ZNF800: variants seen among roughly 807,000 people sequenced by gnomAD.
The protein encoded by ZNF800 is zinc finger protein 800.
ZNF800 carries 13 observed loss-of-function variants against 59.5 expected under a neutral mutation model. That is an observed-to-expected ratio of 0.22 (90% CI 0.14 to 0.35). The LOEUF (loss-of-function observed/expected upper bound fraction) is 0.35, where lower values mean the gene tolerates loss of function less well. Ranked by LOEUF, ZNF800 falls within the 10% of genes least tolerant of loss-of-function variation. The pLI, the probability that ZNF800 is intolerant of heterozygous loss-of-function variation, is 1.00. For synonymous variants in ZNF800, 266 were observed against 265.7 expected, an observed-to-expected ratio of 1.00 and a Z score of -0.01; for missense variants, 621 against 783.7, an observed-to-expected ratio of 0.79 and a Z score of 2.48.
chr7:127,348,462 A>C (rs563325309), intron 1 of ZNF800, among the ~76,000 whole-genome samples: 2 of 151,392 alleles, frequency 1.3e-5, no homozygotes, highest in African/African-American at 4.9e-5. Context: ...AATGTCCTAC[A>C]CCCAACAATA....
intron 3 of ZNF800, among the ~76,000 whole-genome samples, chr7:127,381,253 T>G (rs1800966778): frequency 1.3e-5 from 2 of 152,190 alleles, no homozygotes; most frequent in South Asian, 4.1e-4. Context: ...AACTCAATCT[T>G]CTTTAGGATG....
intron 1 of ZNF800, chr7:127,361,314 A>G (rs550819793): frequency 6.6e-6 from 1 of 152,332 alleles, no homozygotes; most frequent in Middle Eastern, 3.4e-3. Flanking sequence ...GTGGTGGTGC[A>G]TGCCTGTAAT....
chr7:127,392,120 G>C lies in ZNF800; in HGVS notation c.-119C>G, dbSNP rs1801348107. The C allele has an allele frequency of 2.5e-6, 1 of 393,744 alleles. No individual in the cohort carries two copies. The highest frequency in any genetic ancestry group is 2.1e-5 in the African/African-American group (1 of 48,282). 24.4% of individuals were successfully genotyped at this position (393,744 alleles called of 1,614,324 possible). On this transcript the variant is annotated 5_prime_UTR_variant, in exon 1 of 6. Coordinates refer to ENST00000265827, the MANE Select transcript of ZNF800 (RefSeq NM_176814.5). Reference sequence around the variant, plus strand: ...GAAGGAAGGCAGGCCGGGCGGCCGCGGGGACAGCCTGGCGTGGGAGGCGGC... The same window carrying C: ...GAAGGAAGGCAGGCCGGGCGGCCGCCGGGACAGCCTGGCGTGGGAGGCGGC...
At chr7:127,372,956 T>A in intron 5 of ZNF800, 1 of 985,028 alleles carries the variant, frequency 1.0e-6, no homozygotes, top group Non-Finnish European at 1.2e-6. Context: ...CTACAATTCA[T>A]TAATTAGTAG....
chr7:127,375,579 T>C (rs1800769162), intron 4 of ZNF800, among the ~76,000 whole-genome samples: 1 of 152,114 alleles, frequency 6.6e-6, no homozygotes, highest in Non-Finnish European at 1.5e-5. Context: ...AATGGGATGA[T>C]GTGTAGAAGT....
chr7:127,362,357 T>G (rs558692779), intron 1 of ZNF800: 1 of 152,070 alleles, frequency 6.6e-6, no homozygotes, highest in Non-Finnish European at 1.5e-5. Flanking sequence ...CAGTGTGGGG[T>G]AGTAAGTTGT....
At position 127,392,455 on chromosome 7, in the gene ZNF800, C is replaced by G. The variant is rs551788056; in HGVS notation, c.-454G>C. ...CTTCCCTCGCCGGGGCAACGGCTGC[C>G]GCCGCAACCCGGGTCCCACCAGCGC... On this transcript the variant is annotated 5_prime_UTR_variant, in exon 1 of 6. Transcript: ENST00000265827. The G allele has an allele frequency of 5.4e-6, 2 of 369,804 alleles. No individual in the cohort carries two copies. Among genetic ancestry groups the G allele is most frequent in the South Asian group, 2.9e-4 (2 of 6,802 alleles). The allele number at this position is 369,804 out of a possible 1,614,324, so 22.9% of individuals were successfully genotyped here.
intron 3 of ZNF800, among the ~76,000 whole-genome samples, chr7:127,385,040 A>C (rs575448079): frequency 6.6e-6 from 1 of 152,334 alleles, no homozygotes; most frequent in South Asian, 2.1e-4. Flanking sequence ...AGAAAAAATA[A>C]ATGTTTTAAT....
chr7:127,364,742 G>GA, intron 1 of ZNF800: 1 of 152,068 alleles, frequency 6.6e-6, no homozygotes, highest in East Asian at 1.9e-4. Context: ...ACTTGGAACA[G>GA]AAAAACAGCT....
At chr7:127,391,900 G>T (rs1027373817) in intron 1 of ZNF800, among the ~76,000 whole-genome samples, 160 bp downstream of exon 1, 6 of 151,632 alleles carry the variant, frequency 4.0e-5, no homozygotes, top group Admixed American at 2.6e-4. Flanking sequence ...CGGGCGCGCG[G>T]AAACGGAGCG....
intron 3 of ZNF800, among the ~76,000 whole-genome samples, chr7:127,385,791 C>T (rs776569289): frequency 3.3e-5 from 5 of 151,926 alleles, no homozygotes; most frequent in African/African-American, 9.7e-5. Flanking sequence ...AAGTGCTTTA[C>T]CAGAAAATAC....
intron 1 of ZNF800, 22 bp from the exon 2 acceptor site, chr7:127,391,637 C>T (rs1801320744): frequency 3.0e-6 from 4 of 1,331,974 alleles, no homozygotes; most frequent in East Asian, 2.3e-5. Flanking sequence ...AGCACAAACC[C>T]GTCACTCGCC....
At chr7:127,344,536 C>G (rs368889756), downstream of ZNF800, among the ~76,000 whole-genome samples, 1 of 151,404 alleles carries the variant, frequency 6.6e-6, no homozygotes, top group Non-Finnish European at 1.5e-5. Flanking sequence ...AGCTTATCTG[C>G]GAGAATACAT....
chr7:127,376,094 A>C (rs1800782245), intron 4 of ZNF800, among the ~76,000 whole-genome samples: 1 of 151,956 alleles, frequency 6.6e-6, no homozygotes, highest in Non-Finnish European at 1.5e-5. Flanking sequence ...TTTGAAATGA[A>C]TCTCTAGACT....
chr7:127,375,740 C>G (rs11563461), intron 4 of ZNF800, among the ~76,000 whole-genome samples: 2,290 of 151,996 alleles, frequency 0.015, 63 homozygotes, highest in African/African-American at 0.053. Flanking sequence ...AATCAACTAT[C>G]CTATTGTAAC....
intron 1 of ZNF800, among the ~76,000 whole-genome samples, chr7:127,355,725 T>C (rs1160684819): frequency 2.0e-5 from 3 of 152,066 alleles, no homozygotes; most frequent in African/African-American, 7.2e-5. Flanking sequence ...GCTAAAAATA[T>C]TAAAAATTAT....
Position 127,391,611 on chromosome 7 carries a change from C to T in ZNF800, c.-54G>A. The T allele has an allele frequency of 6.4e-7, 1 of 1,557,488 alleles. No individual in the cohort carries two copies. Among genetic ancestry groups the T allele is most frequent in the Non-Finnish European group, 8.9e-7 (1 of 1,128,970 alleles). ...CACTGTAAGAAGCTCTTCATTGCGG[C>T]GTGGCTGTTGAAAGAAGCACAAACC... On this transcript the variant is annotated 5_prime_UTR_variant, in exon 2 of 6. Coordinates refer to ENST00000265827, the MANE Select transcript of ZNF800 (RefSeq NM_176814.5).
At chr7:127,357,606 T>A (rs1471734549) in intron 1 of ZNF800, among the ~76,000 whole-genome samples, 1 of 152,048 alleles carries the variant, frequency 6.6e-6, no homozygotes, top group African/African-American at 2.4e-5. Flanking sequence ...ACTCAACAAA[T>A]AAATCTTATT....
At chr7:127,376,150 G>C (rs1305805807) in intron 4 of ZNF800, among the ~76,000 whole-genome samples, 1 of 151,824 alleles carries the variant, frequency 6.6e-6, no homozygotes, top group Admixed American at 6.6e-5. Flanking sequence ...GATCAAAATA[G>C]TAGTAGGAAA....
Sources: gnomAD v4.1 joint callset for allele counts (sites outside exome capture counted in the v4.1 genomes callset) on GRCh38, gnomAD v4.1.1 for gene constraint, MANE v1.5 for transcripts, NCBI Gene and HGNC (gene_info 2026-07-23, HGNC 2026-07-21) for gene names.